Variants in TSHZ2 observed in about 807,000 individuals in gnomAD.
TSHZ2 encodes teashirt homolog 2.
In TSHZ2, 21 loss-of-function variants were observed where a neutral mutation model predicts 74.4. The ratio of observed to expected loss-of-function variants is 0.28; its 90% CI spans 0.20 to 0.41. The LOEUF is 0.41. Ranked by LOEUF, TSHZ2 falls within the 10% of genes least tolerant of loss-of-function variation. The pLI, the probability that TSHZ2 is intolerant of heterozygous loss-of-function variation, is 1.00. For missense variants in TSHZ2, 1,244 were observed against 1,293.5 expected, an observed-to-expected ratio of 0.96 and a Z score of 0.59; for synonymous variants, 540 against 515.3, an observed-to-expected ratio of 1.05 and a Z score of -0.65.
At chr20:53,102,802 T>C (rs753805452) in intron 1 of TSHZ2, among the ~76,000 whole-genome samples, 1 of 152,198 alleles carries the variant, frequency 6.6e-6, no homozygotes, top group Non-Finnish European at 1.5e-5. Flanking sequence ...GGAGAGGGCA[T>C]TGTTTTTCAA....
intron 1 of TSHZ2, among the ~76,000 whole-genome samples, chr20:53,206,098 A>G (rs1209918780): frequency 2.0e-5 from 3 of 152,182 alleles, no homozygotes; most frequent in Non-Finnish European, 4.4e-5. Context: ...ACGAGCCTGT[A>G]ATCCCAGCTA....
intron 1 of TSHZ2, among the ~76,000 whole-genome samples, chr20:53,205,249 G>A (rs1338499072): frequency 6.6e-6 from 1 of 152,204 alleles, no homozygotes; most frequent in Non-Finnish European, 1.5e-5. Context: ...ACAAATCTGA[G>A]GAGAGTTGGT....
intron 1 of TSHZ2, chr20:53,185,805 G>A (rs917755893): frequency 2.5e-6 from 3 of 1,176,644 alleles, no homozygotes; most frequent in Non-Finnish European, 3.6e-6. Flanking sequence ...TCCCTTGCTT[G>A]TATCAGTAAT....
At chr20:53,007,693 GGTGT>G (rs965751153) in intron 1 of TSHZ2, among the ~76,000 whole-genome samples, 20 of 150,488 alleles carry the variant, frequency 1.3e-4, no homozygotes, top group African/African-American at 4.9e-4. Flanking sequence ...ATGCGTGTGT[GGTGT>G]GTGTGTATGT....
chr20:53,433,724 C>A (rs1983936528), intron 2 of TSHZ2, among the ~76,000 whole-genome samples: 1 of 152,096 alleles, frequency 6.6e-6, no homozygotes, highest in Non-Finnish European at 1.5e-5. Flanking sequence ...TTCTGTCAGT[C>A]CTTTTTACCT....
chr20:53,143,062 A>G (rs1029673205), intron 1 of TSHZ2, among the ~76,000 whole-genome samples: 4 of 152,108 alleles, frequency 2.6e-5, no homozygotes, highest in Non-Finnish European at 5.9e-5. Context: ...TCCTCAGTCC[A>G]TTTTGTGTGT....
At chr20:53,032,196 G>C (rs528022068) in intron 1 of TSHZ2, among the ~76,000 whole-genome samples, 3 of 152,326 alleles carry the variant, frequency 2.0e-5, no homozygotes, top group South Asian at 4.1e-4. Context: ...GTCAGATCCA[G>C]AACAACATTG....
At chr20:53,136,461 T>C (rs1415191078) in intron 1 of TSHZ2, among the ~76,000 whole-genome samples, 1 of 152,224 alleles carries the variant, frequency 6.6e-6, no homozygotes, top group Non-Finnish European at 1.5e-5. Context: ...CCTTCCACCA[T>C]GTATTGGCTA....
intron 2 of TSHZ2, among the ~76,000 whole-genome samples, chr20:53,415,532 G>T (rs1377283439): frequency 6.6e-6 from 1 of 151,644 alleles, no homozygotes. Context: ...CTCCCACCTA[G>T]CACACTCTTA....
chr20:53,077,713 G>C (rs944432311), intron 1 of TSHZ2, among the ~76,000 whole-genome samples: 5 of 152,142 alleles, frequency 3.3e-5, no homozygotes, highest in African/African-American at 1.2e-4. Context: ...AACAAAGCCT[G>C]ACAAAAGGCC....
intron 2 of TSHZ2, among the ~76,000 whole-genome samples, chr20:53,292,427 T>C (rs1991295430): frequency 6.8e-6 from 1 of 147,890 alleles, no homozygotes; most frequent in African/African-American, 2.5e-5. Context: ...TCCTGGCCAG[T>C]AAATGCACAC....
intron 1 of TSHZ2, among the ~76,000 whole-genome samples, chr20:53,005,414 A>C (rs1982607786): frequency 6.6e-6 from 1 of 151,284 alleles, no homozygotes; most frequent in Middle Eastern, 3.4e-3. Flanking sequence ...ATGTCCTGCC[A>C]TCTGAACTCT....
chr20:53,424,278 G>A (rs1220843125), intron 2 of TSHZ2, among the ~76,000 whole-genome samples: 1 of 152,182 alleles, frequency 6.6e-6, no homozygotes, highest in African/African-American at 2.4e-5. Flanking sequence ...TCCAGATATT[G>A]CCAAATGTTC....
chr20:53,125,747 A>G (rs187999462), intron 1 of TSHZ2, among the ~76,000 whole-genome samples: 1 of 152,344 alleles, frequency 6.6e-6, no homozygotes, highest in Admixed American at 6.5e-5. Context: ...ATTTAAAAAA[A>G]AAAAATTGTG....
At chr20:53,029,589 T>C (rs1048619286) in intron 1 of TSHZ2, among the ~76,000 whole-genome samples, 1 of 152,154 alleles carries the variant, frequency 6.6e-6, no homozygotes, top group Non-Finnish European at 1.5e-5. Flanking sequence ...GGCATGAGAA[T>C]TGCTTGAACC....
At chr20:53,058,238 C>T (rs189676426) in intron 1 of TSHZ2, among the ~76,000 whole-genome samples, 160 of 152,254 alleles carry the variant, frequency 1.1e-3, no homozygotes, top group Middle Eastern at 0.01. Context: ...GCCACAGTCT[C>T]GTACTGGTAT....
intron 1 of TSHZ2, among the ~76,000 whole-genome samples, chr20:53,240,591 C>T (rs555016298): frequency 2.0e-5 from 3 of 152,180 alleles, no homozygotes; most frequent in African/African-American, 7.2e-5. Flanking sequence ...CCTAATAATC[C>T]TCCTCCAGGT....
rs534925419 is a variant in TSHZ2, at chr20:53,449,042, A to G, written c.*9-38102A>G. On this transcript the variant is annotated intron_variant, in intron 2 of 2. Coordinates refer to ENST00000371497, the MANE Select transcript of TSHZ2 (RefSeq NM_173485.6). ...GAAAAGAAACCTGGAACTTGAGGCTATGTGACTCCTCCAGTCATGTCCCTC... is the reference window on the plus strand; with the variant it reads ...GAAAAGAAACCTGGAACTTGAGGCTGTGTGACTCCTCCAGTCATGTCCCTC... 6.6e-5 allele frequency among the ~76,000 whole-genome samples: 10 copies of G among 152,314 alleles called. No individual in the cohort carries two copies. In the South Asian group the frequency reaches 2.1e-3, roughly 32 times the overall value.
At chr20:53,001,631 A>G (rs1014312359) in intron 1 of TSHZ2, among the ~76,000 whole-genome samples, 1 of 152,216 alleles carries the variant, frequency 6.6e-6, no homozygotes, top group Admixed American at 6.5e-5. Flanking sequence ...CAGGGGAGCT[A>G]AACTCTGCTG....
Sources: allele counts gnomAD v4.1 joint callset (sites outside exome capture counted in the v4.1 genomes callset), GRCh38; gene constraint gnomAD v4.1.1; transcripts MANE v1.5; gene names NCBI Gene and HGNC (gene_info 2026-07-23, HGNC 2026-07-21).